The following RBFOX1 variants were observed in gnomAD, a reference collection of about 807,000 sequenced individuals.
RBFOX1 encodes the protein RNA binding protein fox-1 homolog 1.
In RBFOX1, 8 loss-of-function variants were observed where a neutral mutation model predicts 57.7. The ratio of observed to expected loss-of-function variants is 0.14; its 90% CI spans 0.08 to 0.25. The LOEUF (loss-of-function observed/expected upper bound fraction) is 0.25. RBFOX1 is among the 10% of genes least tolerant of loss of function. The pLI is 1.00. For synonymous variants in RBFOX1, 326 were observed against 222.4 expected (o/e 1.47, Z -4.15); for missense variants, 611 against 548.5 (o/e 1.11, Z -1.14).
intron 1 of RBFOX1, among the ~76,000 whole-genome samples, chr16:5,263,988 A>G (rs577694851): frequency 6.6e-6 from 1 of 152,306 alleles, no homozygotes; most frequent in East Asian, 1.9e-4. Flanking sequence ...AAGGCAAGTC[A>G]TCAATGGGGT....
chr16:7,106,984 A>AAAAAC (rs529197707), intron 4 of RBFOX1, among the ~76,000 whole-genome samples: 37,081 of 148,476 alleles, frequency 0.25, 4,935 homozygotes, highest in South Asian at 0.3. Context: ...ACACAGTTAA[A>AAAAAC]ACACACACAC....
chr16:6,319,000 T>A (rs917672069), intron 2 of RBFOX1, among the ~76,000 whole-genome samples: 1 of 151,954 alleles, frequency 6.6e-6, no homozygotes. Context: ...AAACATTGAA[T>A]TCTGGGACGT....
chr16:5,758,874 G>A (rs796421921), intron 3 of RBFOX1, among the ~76,000 whole-genome samples: 1 of 152,162 alleles, frequency 6.6e-6, no homozygotes, highest in African/African-American at 2.4e-5. Context: ...CAAAAGCGTG[G>A]CTGACCCTCC....
At chr16:5,827,688 C>G (rs1352148615) in intron 3 of RBFOX1, among the ~76,000 whole-genome samples, 2 of 152,150 alleles carry the variant, frequency 1.3e-5, no homozygotes, top group Admixed American at 1.3e-4. Context: ...AGATGGCAAC[C>G]CCTGCTTTGA....
intron 2 of RBFOX1, among the ~76,000 whole-genome samples, chr16:6,514,290 A>G (rs1302678707): frequency 6.6e-6 from 1 of 152,068 alleles, no homozygotes; most frequent in African/African-American, 2.4e-5. Flanking sequence ...TCATCTTACC[A>G]TATTCATCTG....
chr16:5,886,104 T>C (rs551556385), intron 4 of RBFOX1, among the ~76,000 whole-genome samples: 1 of 152,312 alleles, frequency 6.6e-6, no homozygotes, highest in African/African-American at 2.4e-5. Flanking sequence ...TCTGCCATGG[T>C]CATAAGCTTC....
chr16:6,135,009 C>G (rs962292053), intron 1 of RBFOX1, among the ~76,000 whole-genome samples: 1 of 152,100 alleles, frequency 6.6e-6, no homozygotes, highest in African/African-American at 2.4e-5. Context: ...CCTGACCCCA[C>G]TACAGGCCCC....
intron 3 of RBFOX1, among the ~76,000 whole-genome samples, chr16:6,795,901 T>C (rs974144189): frequency 6.6e-6 from 1 of 152,198 alleles, no homozygotes; most frequent in African/African-American, 2.4e-5. Context: ...TATGTTCTTA[T>C]GTTTTTATTG....
intron 4 of RBFOX1, among the ~76,000 whole-genome samples, chr16:7,200,279 C>G (rs1406950421): frequency 6.6e-6 from 1 of 152,052 alleles, no homozygotes; most frequent in Admixed American, 6.6e-5. Flanking sequence ...GTAGGTTTTC[C>G]CAGGGAGTGG....
chr16:7,709,026 G>C lies in RBFOX1; in HGVS notation c.996-30G>C, dbSNP rs376051866. ...TATTGTTTTGTAATTGCATACTGTG[G>C]ATCAATCTTCACCTCTATTTTCCTT... On this transcript the variant is annotated intron_variant, in intron 14 of 15. Coordinates refer to ENST00000550418, the MANE Select transcript of RBFOX1 (RefSeq NM_018723.4). The C allele has an allele frequency of 9.5e-6, 15 of 1,576,480 alleles. No homozygotes were observed. In the African/African-American group the frequency reaches 2.0e-4, roughly 21 times the overall value.
intron 14 of RBFOX1, among the ~76,000 whole-genome samples, chr16:7,705,509 ATAT>A (rs977792312): frequency 2.0e-5 from 3 of 152,192 alleles, no homozygotes; most frequent in Non-Finnish European, 4.4e-5. Context: ...ACTCAAAAAA[ATAT>A]TAAATTTTTT....
chr16:6,389,986 G>A (rs994348889), intron 2 of RBFOX1, among the ~76,000 whole-genome samples: 9 of 152,166 alleles, frequency 5.9e-5, no homozygotes, highest in African/African-American at 1.7e-4. Context: ...TAAGCCATTA[G>A]GAAGGCCGGG....
intron 1 of RBFOX1, among the ~76,000 whole-genome samples, chr16:5,408,351 T>G (rs13337226): frequency 1.3e-5 from 2 of 152,238 alleles, no homozygotes; most frequent in South Asian, 2.1e-4. Flanking sequence ...ATCAATACAT[T>G]CCTTTTTTTA....
chr16:5,474,838 C>T (rs1215244303), intron 2 of RBFOX1, among the ~76,000 whole-genome samples: 2 of 152,230 alleles, frequency 1.3e-5, no homozygotes, highest in East Asian at 1.9e-4. Flanking sequence ...AATATTGTCC[C>T]GTACATATTC....
intron 2 of RBFOX1, among the ~76,000 whole-genome samples, chr16:6,543,947 T>A (rs1383977040): frequency 6.6e-6 from 1 of 152,190 alleles, no homozygotes; most frequent in Non-Finnish European, 1.5e-5. Flanking sequence ...AAGGGCATTT[T>A]GCTTTTAAAT....
At chr16:7,036,053 A>T (rs981928853) in intron 3 of RBFOX1, among the ~76,000 whole-genome samples, 1 of 152,192 alleles carries the variant, frequency 6.6e-6, no homozygotes, top group Non-Finnish European at 1.5e-5. Flanking sequence ...AGAAATCAGC[A>T]ATAGAAAAGA....
At chr16:7,248,237 C>T (rs914587616) in intron 4 of RBFOX1, among the ~76,000 whole-genome samples, 4 of 152,144 alleles carry the variant, frequency 2.6e-5, no homozygotes, top group Non-Finnish European at 5.9e-5. Flanking sequence ...GTCTACAAAC[C>T]ATTAACACAG....
At chr16:6,519,640 G>A (rs2096461431) in intron 2 of RBFOX1, among the ~76,000 whole-genome samples, 1 of 152,166 alleles carries the variant, frequency 6.6e-6, no homozygotes, top group African/African-American at 2.4e-5. Flanking sequence ...GGTGGAGGTT[G>A]CAGTGAGCTG....
In RBFOX1 at chr16:6,310,845, G is replaced by C. The variant is rs767110519; in HGVS notation, c.-126-6150G>C. Among the ~76,000 whole-genome samples, 96 of 151,760 alleles carry C rather than the reference G, an allele frequency of 6.3e-4. No homozygotes were observed. The Middle Eastern group carries it at 0.01, about 16-fold the overall frequency. On this transcript the variant is annotated intron_variant, in intron 1 of 15. Transcript: ENST00000550418. ...CATGGCATGATTCACTGTGCTTGGG[G>C]AGTCAGCCAGGACTCCCTGAAGCTA...
Sources: allele counts gnomAD v4.1 joint callset (sites outside exome capture counted in the v4.1 genomes callset), GRCh38; gene constraint gnomAD v4.1.1; transcripts MANE v1.5; gene names NCBI Gene and HGNC (gene_info 2026-07-23, HGNC 2026-07-21).